The following DLGAP2 variants were observed in gnomAD, a reference collection of about 807,000 sequenced individuals.
The protein encoded by DLGAP2 is DLG associated protein 2.
In DLGAP2, 26 loss-of-function variants were observed where a neutral mutation model predicts 100.3. The observed-to-expected ratio is 0.26, with a 90% CI of 0.19 to 0.36. The LOEUF (loss-of-function observed/expected upper bound fraction) is 0.36, where lower values mean the gene tolerates loss of function less well. Among genes scored for constraint, DLGAP2 ranks in the 10% least tolerant of loss-of-function variants. The pLI is 1.00. For synonymous variants in DLGAP2, 886 were observed against 630.1 expected (o/e 1.41, Z -6.08); for missense variants, 1,858 against 1,453.2 (o/e 1.28, Z -4.53).
At chr8:1,066,068 G>A (rs771382432) in intron 2 of DLGAP2, among the ~76,000 whole-genome samples, 1 of 152,222 alleles carries the variant, frequency 6.6e-6, no homozygotes, top group Non-Finnish European at 1.5e-5. Context: ...AGGTCTGAGC[G>A]AGGACAGTTC....
intron 5 of DLGAP2, 181 bp from the exon 6 acceptor site, chr8:1,565,502 C>G (rs770855851): frequency 5.3e-6 from 3 of 563,848 alleles, no homozygotes; most frequent in Admixed American, 7.3e-5. Context: ...GAAGAAAAAC[C>G]AACATTTTTA....
intron 2 of DLGAP2, among the ~76,000 whole-genome samples, chr8:1,130,814 G>T (rs571880738): frequency 7.1e-6 from 1 of 140,622 alleles, no homozygotes; most frequent in African/African-American, 2.5e-5. Context: ...TGCAGCGGCT[G>T]GGCTGAGAGA....
chr8:1,430,214 A>G (rs1797385521), intron 3 of DLGAP2, among the ~76,000 whole-genome samples: 1 of 151,446 alleles, frequency 6.6e-6, no homozygotes, highest in Admixed American at 6.6e-5. Context: ...TATGTCACCA[A>G]TGATCTGTGA....
At position 1,280,950 on chromosome 8, in the gene DLGAP2, G is replaced by A. The variant is rs138680361; in HGVS notation, c.106+22067G>A. Among the ~76,000 whole-genome samples, 152 of 152,322 alleles carry A rather than the reference G, an allele frequency of 1.0e-3. 1 individual carries two copies. Among genetic ancestry groups the A allele is most frequent in the African/African-American group, 3.4e-3 (142 of 41,580 alleles). On this transcript the variant is annotated intron_variant, in intron 3 of 14. Transcript: ENST00000637795. ...TTGTATCAGAAGCTATATGGGGAAT[G>A]TGGATTTGGAGCCAGCTGGATGTGG...
chr8:1,669,307 G>A (rs1798627828), intron 9 of DLGAP2, among the ~76,000 whole-genome samples: 1 of 152,230 alleles, frequency 6.6e-6, no homozygotes, highest in Non-Finnish European at 1.5e-5. Flanking sequence ...GTGGCAGACG[G>A]TTCCTTTCCC....
intron 3 of DLGAP2, among the ~76,000 whole-genome samples, chr8:1,280,020 G>C (rs1585218423): frequency 1.3e-5 from 2 of 152,216 alleles, no homozygotes; most frequent in African/African-American, 4.8e-5. Flanking sequence ...TGGACTTTGA[G>C]GAGCTTAGAA....
At chr8:1,230,622 CA>C (rs1648968002) in intron 2 of DLGAP2, among the ~76,000 whole-genome samples, 2 of 152,148 alleles carry the variant, frequency 1.3e-5, no homozygotes, top group Admixed American at 1.3e-4. Context: ...TATAAACCTA[CA>C]GTAACCAAAT....
intron 1 of DLGAP2, among the ~76,000 whole-genome samples, chr8:882,389 T>C (rs28413618): frequency 0.013 from 1,343 of 100,018 alleles, 2 homozygotes; most frequent in Middle Eastern, 0.034. Context: ...GATCCAGCGG[T>C]ACCTCTCCCT....
intron 3 of DLGAP2, among the ~76,000 whole-genome samples, chr8:1,420,065 G>C (rs1412025926): frequency 2.0e-5 from 3 of 152,138 alleles, no homozygotes; most frequent in Non-Finnish European, 4.4e-5. Context: ...TAAGTCACTG[G>C]CCATCCCTGA....
intron 4 of DLGAP2, among the ~76,000 whole-genome samples, chr8:1,524,836 C>A (rs1394382488): frequency 6.6e-6 from 1 of 152,114 alleles, no homozygotes; most frequent in South Asian, 2.1e-4. Context: ...CTCTTACCAC[C>A]CGTGGGTTCA....
chr8:1,198,479 C>A (rs1797801502), intron 2 of DLGAP2, among the ~76,000 whole-genome samples: 1 of 151,988 alleles, frequency 6.6e-6, no homozygotes, highest in Admixed American at 6.6e-5. Flanking sequence ...CAGGTGGAGC[C>A]AGGGCCTGTG....
intron 6 of DLGAP2, among the ~76,000 whole-genome samples, chr8:1,595,409 A>T (rs1302292782): frequency 1.3e-5 from 2 of 151,748 alleles, no homozygotes; most frequent in Non-Finnish European, 2.9e-5. Flanking sequence ...CACGCCTGTA[A>T]TCCCAGCACT....
At chr8:913,086 AT>A (rs375441395) in intron 2 of DLGAP2, among the ~76,000 whole-genome samples, 177 of 152,036 alleles carry the variant, frequency 1.2e-3, no homozygotes, top group African/African-American at 3.8e-3. Context: ...GGTTGAGCAA[AT>A]TTTTTTTGTG....
chr8:1,551,805 G>T (rs116369494), intron 5 of DLGAP2, among the ~76,000 whole-genome samples: 1 of 152,108 alleles, frequency 6.6e-6, no homozygotes, highest in African/African-American at 2.4e-5. Context: ...TGATGAGTAC[G>T]CTTTCTTTTG....
intron 3 of DLGAP2, among the ~76,000 whole-genome samples, chr8:1,327,487 G>A (rs2117050956): frequency 6.6e-6 from 1 of 152,296 alleles, no homozygotes; most frequent in South Asian, 2.1e-4. Context: ...ATAGCTTGTG[G>A]AAAATAGATC....
At chr8:1,563,912 C>A (rs1802284178) in intron 5 of DLGAP2, among the ~76,000 whole-genome samples, 1 of 152,134 alleles carries the variant, frequency 6.6e-6, no homozygotes, top group Admixed American at 6.5e-5. Flanking sequence ...TAGTATACCT[C>A]AGTAGCTAAG....
At chr8:828,303 C>T (rs188827738) in intron 1 of DLGAP2, among the ~76,000 whole-genome samples, 6,975 of 152,234 alleles carry the variant, frequency 0.046, 254 homozygotes, top group African/African-American at 0.097. Context: ...GCAATCTCGA[C>T]CATAAGAGAC....
chr8:1,162,717 G>A (rs895912914), intron 2 of DLGAP2, among the ~76,000 whole-genome samples: 4 of 152,230 alleles, frequency 2.6e-5, no homozygotes, highest in African/African-American at 9.6e-5. Flanking sequence ...AACAGCCCCA[G>A]GGAGTGACTG....
At chr8:1,200,848 T>C (rs7006250) in intron 2 of DLGAP2, among the ~76,000 whole-genome samples, 106,463 of 152,176 alleles carry the variant, frequency 0.7, 38,206 homozygotes, top group African/African-American at 0.87. Flanking sequence ...CGTTCCCACA[T>C]ATCGGTTTGG....
Sources: allele counts gnomAD v4.1 joint callset (sites outside exome capture counted in the v4.1 genomes callset), GRCh38; gene constraint gnomAD v4.1.1; transcripts MANE v1.5; gene names NCBI Gene and HGNC (gene_info 2026-07-23, HGNC 2026-07-21).